The following PHACTR1 variants were observed in gnomAD, a reference collection of about 807,000 sequenced individuals.
PHACTR1 encodes the protein RPEL repeat containing 1.
In PHACTR1, 16 loss-of-function variants were observed where a neutral mutation model predicts 69.2. That is an observed-to-expected ratio of 0.23 (90% confidence interval 0.16 to 0.35). The LOEUF (loss-of-function observed/expected upper bound fraction) is 0.35. PHACTR1 is among the 10% of genes least tolerant of loss of function. The pLI is 1.00. For missense variants in PHACTR1, 510 were observed against 734.7 expected (o/e 0.69, Z 3.54); for synonymous variants, 312 against 284.5 (o/e 1.10, Z -0.97).
rs184410692 is a variant in PHACTR1 at position 12,790,533 on chromosome 6, A to G, written c.250+40743A>G. Among the ~76,000 whole-genome samples, 613 of 152,264 alleles carry G rather than the reference A, an allele frequency of 4.0e-3. 4 individuals carry two copies. The highest frequency in any genetic ancestry group is 0.014 in the African/African-American group (590 of 41,546). Reference sequence around the variant, plus strand: ...CTTGCTTTCGCATTGTTCATTGTCTATCTCCCTAATAAAATGTAAGCTCCT... The same window carrying G: ...CTTGCTTTCGCATTGTTCATTGTCTGTCTCCCTAATAAAATGTAAGCTCCT... On this transcript the variant is annotated intron_variant, in intron 4 of 14. Coordinates refer to ENST00000332995, the MANE Select transcript of PHACTR1 (RefSeq NM_030948.6).
At chr6:12,976,495 T>G (rs1321308625) in intron 4 of PHACTR1, among the ~76,000 whole-genome samples, 3 of 152,212 alleles carry the variant, frequency 2.0e-5, no homozygotes, top group African/African-American at 7.2e-5. Flanking sequence ...TGTTCTCATA[T>G]GTGTCCAGGG....
At chr6:12,863,168 C>T (rs1283876455) in intron 4 of PHACTR1, among the ~76,000 whole-genome samples, 1 of 152,234 alleles carries the variant, frequency 6.6e-6, no homozygotes, top group Non-Finnish European at 1.5e-5. Context: ...ATAGATTAGT[C>T]TGCTCAGGCT....
chr6:13,283,411 C>A lies in PHACTR1; in HGVS notation c.1510-11C>A, dbSNP rs1298040775. On this transcript the variant is annotated splice_polypyrimidine_tract_variant and intron_variant, in intron 12 of 14. Transcript: ENST00000332995. The surrounding 1 kb of genome is among the most constrained non-coding windows in gnomAD (Gnocchi z 4.7). ...CTGGCTGACTGGGTCCATCTCTCTC[C>A]CTCCCTGCAGCTCAGTCAAAGGCCC... 1.2e-6 allele frequency: 2 copies of A among 1,613,114 alleles called. No individual in the cohort carries two copies. Among genetic ancestry groups the A allele is most frequent in the East Asian group, 2.2e-5 (1 of 44,892 alleles).
At chr6:12,898,445 A>G (rs1582367619) in intron 4 of PHACTR1, among the ~76,000 whole-genome samples, 1 of 152,148 alleles carries the variant, frequency 6.6e-6, no homozygotes, top group Non-Finnish European at 1.5e-5. Flanking sequence ...GCCCACTTCT[A>G]TAGTTCCTGT....
chr6:13,103,679 C>T (rs1459279397), intron 5 of PHACTR1, among the ~76,000 whole-genome samples: 1 of 152,192 alleles, frequency 6.6e-6, no homozygotes, highest in African/African-American at 2.4e-5. Context: ...CATCCTTATA[C>T]CCCATACCTT....
intron 4 of PHACTR1, among the ~76,000 whole-genome samples, chr6:12,803,632 A>G (rs1358327364): frequency 6.6e-6 from 1 of 152,228 alleles, no homozygotes; most frequent in Non-Finnish European, 1.5e-5. Flanking sequence ...CAGGAATGCA[A>G]CTATTTCTTT....
chr6:13,262,130 A>G (rs1776000770), intron 10 of PHACTR1, among the ~76,000 whole-genome samples: 1 of 152,068 alleles, frequency 6.6e-6, no homozygotes, highest in Admixed American at 6.6e-5. Flanking sequence ...AGCAACTGGG[A>G]GAGATGCTGA....
At chr6:13,223,076 C>T (rs185199610) in intron 8 of PHACTR1, among the ~76,000 whole-genome samples, 9 of 152,212 alleles carry the variant, frequency 5.9e-5, no homozygotes, top group Admixed American at 5.2e-4. Flanking sequence ...ATATGATTTA[C>T]ATACAAAACC....
intron 4 of PHACTR1, among the ~76,000 whole-genome samples, chr6:12,821,735 G>A (rs976436439): frequency 1.3e-5 from 2 of 152,172 alleles, no homozygotes; most frequent in Non-Finnish European, 2.9e-5. Flanking sequence ...AGGGTATTGG[G>A]TTAAGGGCTT....
intron 4 of PHACTR1, among the ~76,000 whole-genome samples, chr6:12,780,364 A>G (rs1192155638): frequency 6.6e-6 from 1 of 152,052 alleles, no homozygotes; most frequent in Non-Finnish European, 1.5e-5. Flanking sequence ...AGCTTCATAT[A>G]AAAGAATCAG....
chr6:12,751,170 G>A (rs1766576186), intron 4 of PHACTR1, among the ~76,000 whole-genome samples: 1 of 152,220 alleles, frequency 6.6e-6, no homozygotes, highest in Non-Finnish European at 1.5e-5. Context: ...ATGTGCCAGA[G>A]TGGCCAACTG....
At chr6:13,103,560 CA>C (rs1217048195) in intron 5 of PHACTR1, among the ~76,000 whole-genome samples, 2 of 152,134 alleles carry the variant, frequency 1.3e-5, no homozygotes, top group Non-Finnish European at 2.9e-5. Flanking sequence ...CCTTCCAAAA[CA>C]AAAAGTATAT....
At chr6:13,076,430 A>G (rs1810485383) in intron 5 of PHACTR1, among the ~76,000 whole-genome samples, 1 of 152,170 alleles carries the variant, frequency 6.6e-6, no homozygotes, top group Admixed American at 6.5e-5. Flanking sequence ...CATGCATGCA[A>G]CAAACACGGA....
intron 5 of PHACTR1, among the ~76,000 whole-genome samples, chr6:13,055,095 G>A (rs1362473794): frequency 6.6e-6 from 1 of 152,160 alleles, no homozygotes; most frequent in Non-Finnish European, 1.5e-5. Flanking sequence ...AATCTGCAGA[G>A]TCTTGAAATC....
rs571144660 is a variant in PHACTR1, at chr6:12,950,759, A to G, written c.251-102606A>G. Among the ~76,000 whole-genome samples, 8 of 152,260 alleles carry G rather than the reference A, an allele frequency of 5.3e-5. No individual in the cohort carries two copies. In the South Asian group the frequency reaches 1.2e-3, roughly 24 times the overall value. On this transcript the variant is annotated intron_variant, in intron 4 of 14. Transcript: ENST00000332995. ...AGGTGCTTTACAAACATCACCTTAGAACTTCCCCCCAGTTTACGAAACAGA... is the reference window on the plus strand; with the variant it reads ...AGGTGCTTTACAAACATCACCTTAGGACTTCCCCCCAGTTTACGAAACAGA...
intron 6 of PHACTR1, among the ~76,000 whole-genome samples, chr6:13,177,172 T>TAAAAAAAAAAAAAAAAAAAAA (rs530741132): frequency 3.2e-5 from 2 of 63,366 alleles, no homozygotes; most frequent in African/African-American, 2.0e-4. Context: ...ACCCCATCTC[T>TAAAAAAAAAAAAAAAAAAAAA]AAAAAAAAAA....
intron 4 of PHACTR1, among the ~76,000 whole-genome samples, chr6:13,016,441 G>C (rs1284788954): frequency 6.6e-6 from 1 of 152,130 alleles, no homozygotes; most frequent in Non-Finnish European, 1.5e-5. Flanking sequence ...ATTTTACAAA[G>C]GTATTGTTCA....
chr6:13,143,875 A>G (rs561799123), intron 5 of PHACTR1, among the ~76,000 whole-genome samples: 1 of 152,240 alleles, frequency 6.6e-6, no homozygotes, highest in South Asian at 2.1e-4. Flanking sequence ...TTAAAGTTGG[A>G]TTGGTCCTGT....
chr6:12,787,236 G>A (rs73360042), intron 4 of PHACTR1, among the ~76,000 whole-genome samples: 2,764 of 152,308 alleles, frequency 0.018, 83 homozygotes, highest in African/African-American at 0.062. Flanking sequence ...TGAAAAGGTT[G>A]CTGTTTTAAA....
Sources: allele counts gnomAD v4.1 joint callset (sites outside exome capture counted in the v4.1 genomes callset), GRCh38; gene constraint gnomAD v4.1.1; non-coding constraint Gnocchi (gnomAD v3.1); transcripts MANE v1.5; gene names NCBI Gene and HGNC (gene_info 2026-07-23, HGNC 2026-07-21).